Variants in ESRRG observed in about 807,000 individuals in gnomAD.
ESRRG encodes estrogen related receptor gamma, also known as estrogen-related receptor gamma.
In ESRRG, 13 loss-of-function variants were observed where a neutral mutation model predicts 44.0. The ratio of observed to expected loss-of-function variants is 0.30; its 90% CI spans 0.19 to 0.47. The LOEUF (loss-of-function observed/expected upper bound fraction) is 0.47, where lower values mean the gene tolerates loss of function less well. Among genes scored for constraint, ESRRG ranks in the 20% least tolerant of loss-of-function variants. ESRRG has a pLI of 1.00. For missense variants in ESRRG, 395 were observed against 580.6 expected, an observed-to-expected ratio of 0.68 and a Z score of 3.29; for synonymous variants, 215 against 214.6, an observed-to-expected ratio of 1.00 and a Z score of -0.02.
At chr1:216,831,158 G>A (rs1295898956) in intron 2 of ESRRG, among the ~76,000 whole-genome samples, 1 of 152,076 alleles carries the variant, frequency 6.6e-6, no homozygotes, top group Non-Finnish European at 1.5e-5. Flanking sequence ...TCAAAGGGGG[G>A]AGGGGAAGGA....
intron 3 of ESRRG, among the ~76,000 whole-genome samples, chr1:216,602,258 A>T (rs1238485197): frequency 1.3e-5 from 2 of 152,222 alleles, no homozygotes; most frequent in Non-Finnish European, 2.9e-5. Flanking sequence ...CATTACATTT[A>T]CTAGAAGAGG....
intron 2 of ESRRG, among the ~76,000 whole-genome samples, chr1:216,667,407 C>T (rs991833492): frequency 1.5e-4 from 23 of 151,880 alleles, no homozygotes; most frequent in African/African-American, 3.1e-4. Context: ...AAGTTTAGGC[C>T]GGGTGCAGTG....
intron 6 of ESRRG, among the ~76,000 whole-genome samples, chr1:216,518,162 G>A (rs2044960017): frequency 6.6e-6 from 1 of 152,030 alleles, no homozygotes; most frequent in Non-Finnish European, 1.5e-5. Context: ...TTTTCAGCGC[G>A]GCTGAGCCCA....
chr1:216,855,793 G>A (rs562070592), intron 2 of ESRRG, among the ~76,000 whole-genome samples: 62 of 152,232 alleles, frequency 4.1e-4, no homozygotes, highest in Non-Finnish European at 6.9e-4. Context: ...TGCACGACAC[G>A]CCTTGTGACA....
chr1:216,873,182 G>A (rs1214602554), intron 2 of ESRRG, among the ~76,000 whole-genome samples: 2 of 149,496 alleles, frequency 1.3e-5, no homozygotes, highest in South Asian at 2.1e-4. Flanking sequence ...CCACTGGGGA[G>A]CCCAGGAGTT....
Position 216,683,484 on chromosome 1 carries a change from C to G in ESRRG, c.57-5993G>C, listed in dbSNP as rs185588278. ...AGTTCAAAAGACTCTCTCTAGCTTA[C>G]TCCATGAAGAACAAGAGTAAGAAAA... On this transcript the variant is annotated intron_variant, in intron 1 of 6. Coordinates refer to ENST00000408911, the MANE Select transcript of ESRRG (RefSeq NM_001438.4). Among the ~76,000 whole-genome samples, 34 of 152,290 alleles carry G rather than the reference C, an allele frequency of 2.2e-4. No individual in the cohort carries two copies. In the East Asian group the frequency reaches 5.8e-3, roughly 26 times the overall value.
At chr1:216,545,139 G>C (rs1411469917) in intron 5 of ESRRG, among the ~76,000 whole-genome samples, 1 of 149,748 alleles carries the variant, frequency 6.7e-6, no homozygotes, top group Non-Finnish European at 1.5e-5. Flanking sequence ...ATCCTCCAGG[G>C]TTCAAGCAAA....
intron 5 of ESRRG, among the ~76,000 whole-genome samples, chr1:216,552,006 C>A (rs1467969875): frequency 6.6e-6 from 1 of 152,080 alleles, no homozygotes; most frequent in East Asian, 1.9e-4. Flanking sequence ...TGAACCATAT[C>A]TATAAATTAA....
intron 2 of ESRRG, among the ~76,000 whole-genome samples, chr1:216,794,770 A>C (rs57380375): frequency 0.032 from 4,842 of 152,274 alleles, 272 homozygotes; most frequent in African/African-American, 0.11. Flanking sequence ...AGTTTTACCA[A>C]AGGGAAGTTC....
At chr1:217,130,706 G>C (rs1219496966) in intron 1 of ESRRG, among the ~76,000 whole-genome samples, 1 of 152,128 alleles carries the variant, frequency 6.6e-6, no homozygotes, top group African/African-American at 2.4e-5. Flanking sequence ...TTTGGTAAAA[G>C]GGGGATATAA....
chr1:216,672,534 G>A (rs187824519), intron 2 of ESRRG, among the ~76,000 whole-genome samples: 178 of 152,186 alleles, frequency 1.2e-3, no homozygotes, highest in African/African-American at 4.0e-3. Flanking sequence ...CTTTTTAAAC[G>A]TATATATTTA....
chr1:217,075,421 G>C (rs938869788), intron 1 of ESRRG, among the ~76,000 whole-genome samples: 2 of 152,090 alleles, frequency 1.3e-5, no homozygotes, highest in Non-Finnish European at 2.9e-5. Flanking sequence ...ACCCATGTCT[G>C]ACTCTGAATA....
chr1:216,698,336 T>C (rs747789038), intron 1 of ESRRG, among the ~76,000 whole-genome samples: 1 of 151,668 alleles, frequency 6.6e-6, no homozygotes, highest in Admixed American at 6.6e-5. Context: ...GCTAACATGG[T>C]GAAACCCTGT....
chr1:216,877,131 C>A (rs2096367657), intron 2 of ESRRG, among the ~76,000 whole-genome samples: 1 of 151,894 alleles, frequency 6.6e-6, no homozygotes, highest in Non-Finnish European at 1.5e-5. Context: ...TGTTCAGATC[C>A]CCCAATTGTA....
At chr1:217,127,143 C>T (rs540163559) in intron 1 of ESRRG, among the ~76,000 whole-genome samples, 6 of 152,308 alleles carry the variant, frequency 3.9e-5, no homozygotes, top group African/African-American at 1.4e-4. Flanking sequence ...TGATTTTAAA[C>T]ACTTAATTGT....
At chr1:216,548,082 G>A (rs1035856877) in intron 5 of ESRRG, among the ~76,000 whole-genome samples, 1 of 151,912 alleles carries the variant, frequency 6.6e-6, no homozygotes, top group African/African-American at 2.4e-5. Context: ...AATTCACATC[G>A]GTTTTGCAGA....
chr1:216,759,388 G>T (rs2152333065), intron 2 of ESRRG, among the ~76,000 whole-genome samples: 1 of 152,144 alleles, frequency 6.6e-6, no homozygotes, highest in Non-Finnish European at 1.5e-5. Context: ...TCAGGTTCCA[G>T]CTACAGCCCT....
chr1:216,582,401 T>C (rs890826180), intron 3 of ESRRG, among the ~76,000 whole-genome samples: 1 of 152,200 alleles, frequency 6.6e-6, no homozygotes, highest in Non-Finnish European at 1.5e-5. Flanking sequence ...TCTGAAGGAA[T>C]GTCTTTTTGC....
chr1:217,087,930 G>T (rs754285902), intron 1 of ESRRG, among the ~76,000 whole-genome samples: 8 of 151,896 alleles, frequency 5.3e-5, no homozygotes, highest in Non-Finnish European at 1.2e-4. Flanking sequence ...TCTTCTTCCT[G>T]TCAGGCATTC....
Sources: allele counts gnomAD v4.1 joint callset (sites outside exome capture counted in the v4.1 genomes callset), GRCh38; gene constraint gnomAD v4.1.1; transcripts MANE v1.5; gene names NCBI Gene and HGNC (gene_info 2026-07-23, HGNC 2026-07-21).